The following SH3GL2 variants were observed in gnomAD, a reference collection of about 807,000 sequenced individuals.
SH3GL2 encodes the protein SH3 domain containing GRB2 like 2, endophilin A1.
Under a neutral mutation model 46.0 loss-of-function variants are expected in SH3GL2, and 24 were observed. That is an observed-to-expected ratio of 0.52 (90% CI 0.38 to 0.73). The LOEUF is 0.73. Ranked by LOEUF, SH3GL2 falls within the 30% of genes least tolerant of loss-of-function variation. SH3GL2 has a pLI of 0.00. For missense variants in SH3GL2, 413 were observed against 424.2 expected (o/e 0.97, Z 0.23); for synonymous variants, 196 against 147.1 (o/e 1.33, Z -2.40).
intron 1 of SH3GL2, among the ~76,000 whole-genome samples, chr9:17,602,072 A>T (rs1818682375): frequency 6.6e-6 from 1 of 152,236 alleles, no homozygotes. Flanking sequence ...CCACCTTCTG[A>T]AAACCACAGA....
At chr9:17,747,170 A>G (rs1283064815) in intron 2 of SH3GL2, 36 bp downstream of exon 2, 5 of 1,364,772 alleles carry the variant, frequency 3.7e-6, no homozygotes, top group Non-Finnish European at 5.2e-6. Flanking sequence ...TCCCTTTGAC[A>G]TAAACATGTC....
chr9:17,719,661 C>A (rs1371953698), intron 1 of SH3GL2, among the ~76,000 whole-genome samples: 1 of 151,918 alleles, frequency 6.6e-6, no homozygotes, highest in Non-Finnish European at 1.5e-5. Context: ...GGCATGGTGG[C>A]ATGCACCTGT....
intron 1 of SH3GL2, among the ~76,000 whole-genome samples, chr9:17,678,618 A>C (rs553303621): frequency 1.3e-5 from 2 of 152,294 alleles, no homozygotes; most frequent in Non-Finnish European, 2.9e-5. Context: ...TTTGCTGTGC[A>C]GAAGCTCTTT....
chr9:17,777,528 C>T (rs1196400179), intron 3 of SH3GL2, among the ~76,000 whole-genome samples: 3 of 152,234 alleles, frequency 2.0e-5, no homozygotes, highest in Middle Eastern at 3.4e-3. Flanking sequence ...AACAAAATAT[C>T]ATAAATAATA....
chr9:17,598,332 G>A (rs1382823697), intron 1 of SH3GL2, among the ~76,000 whole-genome samples: 1 of 152,170 alleles, frequency 6.6e-6, no homozygotes, highest in Non-Finnish European at 1.5e-5. Context: ...TGAAGCTAGG[G>A]TCATGGAACA....
intron 1 of SH3GL2, among the ~76,000 whole-genome samples, chr9:17,733,037 C>G (rs890451382): frequency 6.6e-6 from 1 of 152,006 alleles, no homozygotes; most frequent in Non-Finnish European, 1.5e-5. Flanking sequence ...GCTGCCTTCC[C>G]CACTCTTCAG....
At chr9:17,646,390 C>G (rs1819818001) in intron 1 of SH3GL2, among the ~76,000 whole-genome samples, 1 of 152,016 alleles carries the variant, frequency 6.6e-6, no homozygotes, top group East Asian at 1.9e-4. Flanking sequence ...TTGTGAAACT[C>G]CTTCTCTGTC....
chr9:17,698,974 G>A (rs1251016675), intron 1 of SH3GL2, among the ~76,000 whole-genome samples: 1 of 151,964 alleles, frequency 6.6e-6, no homozygotes, highest in Non-Finnish European at 1.5e-5. Flanking sequence ...GGCCAACATG[G>A]TGAAACCCCG....
chr9:17,646,241 C>T (rs185479230), intron 1 of SH3GL2, among the ~76,000 whole-genome samples: 1 of 152,080 alleles, frequency 6.6e-6, no homozygotes, highest in Admixed American at 6.5e-5. Flanking sequence ...TTATGTTCTT[C>T]TCTAAACTGA....
chr9:17,695,439 A>G (rs1821178814), intron 1 of SH3GL2, among the ~76,000 whole-genome samples: 1 of 152,088 alleles, frequency 6.6e-6, no homozygotes, highest in Non-Finnish European at 1.5e-5. Flanking sequence ...TGCTCTGCAC[A>G]CATAAGGAGT....
intron 1 of SH3GL2, among the ~76,000 whole-genome samples, chr9:17,705,652 G>T (rs924154657): frequency 6.6e-6 from 1 of 152,040 alleles, no homozygotes; most frequent in African/African-American, 2.4e-5. Context: ...GTCCTTTGCA[G>T]CAACATGCAT....
chr9:17,796,941 G>C lies in SH3GL2; in HGVS notation c.*1198G>C, dbSNP rs1313361415. The C allele has an allele frequency of 6.6e-6, 1 of 152,618 alleles. No individual in the cohort carries two copies. The highest frequency in any genetic ancestry group is 1.5e-5 in the Non-Finnish European group (1 of 68,054). 9.5% of individuals were successfully genotyped at this position (152,618 alleles called of 1,614,324 possible). ...TATTTGTATCAGTCATGAAAGTCCT[G>C]TTAGGTATGCAGAGTTCTATTTATC... On this transcript the variant is annotated 3_prime_UTR_variant, in exon 9 of 9. Transcript: ENST00000380607.
chr9:17,685,638 A>G (rs1820883387), intron 1 of SH3GL2, among the ~76,000 whole-genome samples: 1 of 152,034 alleles, frequency 6.6e-6, no homozygotes. Flanking sequence ...GGTGTGAGGA[A>G]GGGATCCAGT....
chr9:17,793,465 G>A lies in SH3GL2; in HGVS notation c.827G>A (p.Gly276Asp). Reference sequence around the variant, plus strand: ...GGAGACAGTACTCAGCCCAATGGGGGTCTCTCCCACACAGGCACTCCCAAA... The same window carrying A: ...GGAGACAGTACTCAGCCCAATGGGGATCTCTCCCACACAGGCACTCCCAAA... Reference protein sequence around the residue: ...PTGDSTQPNGGLSHTGTPKPS... With the variant: ...PTGDSTQPNGDLSHTGTPKPS... Residue 276 changes from glycine (G) to aspartate (D), a missense_variant, in exon 8 of 9, where the codon GGT (glycine) becomes GAT (aspartate). By Grantham distance (94) the Gly-to-Asp change is moderately conservative. This residue lies in a region of SH3GL2 where 248 missense variants were observed against 215.0 expected (regional missense o/e 1.15). Coordinates refer to ENST00000380607, the MANE Select transcript of SH3GL2 (RefSeq NM_003026.5). 1.9e-6 allele frequency: 3 copies of A among 1,612,732 alleles called. No homozygotes were observed. Among genetic ancestry groups the A allele is most frequent in the Non-Finnish European group, 1.7e-6 (2 of 1,179,564 alleles).
intron 1 of SH3GL2, among the ~76,000 whole-genome samples, chr9:17,706,927 G>A (rs776240022): frequency 8.6e-5 from 13 of 152,036 alleles, no homozygotes; most frequent in Non-Finnish European, 1.0e-4. Context: ...AATTCAAGCA[G>A]TGTGCTTTGG....
intron 1 of SH3GL2, among the ~76,000 whole-genome samples, chr9:17,667,351 C>T (rs547035127): frequency 6.6e-5 from 10 of 152,194 alleles, no homozygotes; most frequent in African/African-American, 2.2e-4. Flanking sequence ...AAAGAAACCC[C>T]ATGCCCACTG....
chr9:17,731,421 AAGAGAGAGAGAGAGAAAGAG>A (rs1383727282), intron 1 of SH3GL2, among the ~76,000 whole-genome samples: 2 of 149,652 alleles, frequency 1.3e-5, no homozygotes, highest in South Asian at 2.1e-4. Flanking sequence ...GGAGGTAGGG[AAGAGAGAGAGAGAGAAAGAG>A]AGAGAGAGAG....
At chr9:17,726,719 C>T (rs1265227968) in intron 1 of SH3GL2, among the ~76,000 whole-genome samples, 3 of 152,110 alleles carry the variant, frequency 2.0e-5, no homozygotes, top group African/African-American at 7.2e-5. Context: ...AAAGATATTC[C>T]ACCTATCAGG....
At chr9:17,633,136 C>G (rs371213680) in intron 1 of SH3GL2, among the ~76,000 whole-genome samples, 1 of 152,150 alleles carries the variant, frequency 6.6e-6, no homozygotes, top group Non-Finnish European at 1.5e-5. Context: ...TGATATAGGT[C>G]TTGTTTCTCA....
Sources: allele counts gnomAD v4.1 joint callset (sites outside exome capture counted in the v4.1 genomes callset), GRCh38; gene constraint gnomAD v4.1.1; regional missense constraint gnomAD v4.1.1; transcripts MANE v1.5; gene names NCBI Gene and HGNC (gene_info 2026-07-23, HGNC 2026-07-21).